The following CSMD1 variants were observed in gnomAD, a reference collection of about 807,000 sequenced individuals.
CSMD1 encodes the protein CUB and Sushi multiple domains 1.
A neutral mutation model predicts 417.5 loss-of-function variants in CSMD1; 213 were observed. That is an observed-to-expected ratio of 0.51 (90% CI 0.46 to 0.57). CSMD1 has a LOEUF of 0.57. Ranked by LOEUF, CSMD1 falls within the 20% of genes least tolerant of loss-of-function variation. CSMD1 has a pLI of 0.00. For missense variants in CSMD1, 6,923 were observed against 4,529.7 expected (o/e 1.53, Z -15.17); for synonymous variants, 2,862 against 1,736.8 (o/e 1.65, Z -16.11).
intron 12 of CSMD1, among the ~76,000 whole-genome samples, chr8:3,436,974 A>G (rs1327807543): frequency 1.3e-5 from 2 of 152,198 alleles, no homozygotes; most frequent in African/African-American, 4.8e-5. Flanking sequence ...AAAGCATGCA[A>G]GAAGCAGACA....
chr8:3,680,062 A>C (rs1367782178), intron 7 of CSMD1, among the ~76,000 whole-genome samples: 2 of 152,292 alleles, frequency 1.3e-5, no homozygotes, highest in Middle Eastern at 6.8e-3. Context: ...TTATAACACT[A>C]AATGCCCACA....
intron 12 of CSMD1, among the ~76,000 whole-genome samples, chr8:3,420,958 G>C (rs1364614852): frequency 6.6e-6 from 1 of 151,980 alleles, no homozygotes; most frequent in African/African-American, 2.4e-5. Context: ...ATATTAAAGA[G>C]ACTAATACTG....
chr8:3,538,692 C>G (rs769860669), intron 10 of CSMD1, among the ~76,000 whole-genome samples: 1 of 152,232 alleles, frequency 6.6e-6, no homozygotes, highest in African/African-American at 2.4e-5. Flanking sequence ...CGTGGCATGG[C>G]CTGCCATCTT....
At chr8:3,684,383 GTATAACA>G (rs1182396779) in intron 7 of CSMD1, among the ~76,000 whole-genome samples, 1 of 146,554 alleles carries the variant, frequency 6.8e-6, no homozygotes, top group Non-Finnish European at 1.5e-5. Context: ...TATATAAAAT[GTATAACA>G]TATAAGTACA....
intron 3 of CSMD1, among the ~76,000 whole-genome samples, chr8:4,037,463 CTTTT>C (rs1432954472): frequency 2.0e-5 from 3 of 152,180 alleles, no homozygotes; most frequent in Non-Finnish European, 4.4e-5. Context: ...CAATGGTTTG[CTTTT>C]TTGTCTTCTC....
intron 1 of CSMD1, among the ~76,000 whole-genome samples, chr8:4,917,502 C>A (rs1005567407): frequency 6.6e-6 from 1 of 152,154 alleles, no homozygotes; most frequent in African/African-American, 2.4e-5. Context: ...GGCATGGTGG[C>A]GGGTGCCTGT....
At chr8:3,488,127 G>C (rs1818164634) in intron 11 of CSMD1, among the ~76,000 whole-genome samples, 1 of 130,918 alleles carries the variant, frequency 7.6e-6, no homozygotes. Context: ...TTTTGAAATA[G>C]TGTCTTGCTC....
intron 2 of CSMD1, among the ~76,000 whole-genome samples, chr8:4,529,975 C>G (rs1189776003): frequency 6.6e-6 from 1 of 151,670 alleles, no homozygotes; most frequent in African/African-American, 2.4e-5. Flanking sequence ...AGTGCAGTGG[C>G]GAGATCCCGG....
chr8:4,514,234 G>A (rs1802992206), intron 2 of CSMD1, among the ~76,000 whole-genome samples: 3 of 152,186 alleles, frequency 2.0e-5, no homozygotes, highest in Admixed American at 2.0e-4. Flanking sequence ...GTTTCCTCTG[G>A]TGTCTGTGCT....
intron 7 of CSMD1, among the ~76,000 whole-genome samples, chr8:3,636,151 AG>A (rs538014449): frequency 6.6e-6 from 1 of 152,206 alleles, no homozygotes; most frequent in Non-Finnish European, 1.5e-5. Context: ...CCTACAACAC[AG>A]GGTCAGAATA....
intron 3 of CSMD1, among the ~76,000 whole-genome samples, chr8:4,354,380 C>G (rs951397821): frequency 6.6e-6 from 1 of 152,122 alleles, no homozygotes. Flanking sequence ...CTGGTCATTT[C>G]GTAACTATTA....
At chr8:3,667,455 G>C (rs542031196) in intron 7 of CSMD1, among the ~76,000 whole-genome samples, 5 of 152,024 alleles carry the variant, frequency 3.3e-5, no homozygotes, top group African/African-American at 1.2e-4. Flanking sequence ...GCAAGGCCTT[G>C]GGGCACTACA....
At chr8:4,504,709 A>C (rs1032549372) in intron 2 of CSMD1, among the ~76,000 whole-genome samples, 2 of 151,824 alleles carry the variant, frequency 1.3e-5, no homozygotes, top group East Asian at 3.9e-4. Flanking sequence ...TTCAACTCCC[A>C]CTTATGAGTC....
chr8:4,109,615 A>C (rs932372738), intron 3 of CSMD1, among the ~76,000 whole-genome samples: 3 of 152,202 alleles, frequency 2.0e-5, no homozygotes, highest in African/African-American at 7.2e-5. Context: ...TATTGTTGGA[A>C]TCAAAAGCTC....
chr8:4,089,176 G>C (rs17068889), intron 3 of CSMD1, among the ~76,000 whole-genome samples: 12,179 of 152,158 alleles, frequency 0.08, 711 homozygotes, highest in East Asian at 0.28. Context: ...ACTCTTTATG[G>C]TGACAATCTG....
intron 3 of CSMD1, among the ~76,000 whole-genome samples, chr8:4,068,548 T>C (rs1265410060): frequency 6.6e-6 from 1 of 152,202 alleles, no homozygotes; most frequent in Non-Finnish European, 1.5e-5. Context: ...ATAAAATGTA[T>C]CCTCTGGAGG....
At chr8:3,048,514 GA>G (rs1811606194) in intron 50 of CSMD1, among the ~76,000 whole-genome samples, 1 of 152,092 alleles carries the variant, frequency 6.6e-6, no homozygotes, top group African/African-American at 2.4e-5. Context: ...AATGGTGCTG[GA>G]AAAACTGGAT....
chr8:4,172,744 C>A lies in CSMD1; in HGVS notation c.416-140645G>T, dbSNP rs180975413. On this transcript the variant is annotated intron_variant, in intron 3 of 69. Transcript: ENST00000635120. ...CACTTGACATTAGGTTGTAAAAAGA[C>A]TGTGGCTTCCACCTCTTTCTTGGAT... Among the ~76,000 whole-genome samples the A allele has an allele frequency of 1.3e-3, 205 of 152,246 alleles. 2 individuals are homozygous for A. Among genetic ancestry groups the A allele is most frequent in the African/African-American group, 4.3e-3 (179 of 41,524 alleles).
At chr8:3,176,672 A>G (rs1299720244) in intron 37 of CSMD1, among the ~76,000 whole-genome samples, 3 of 152,254 alleles carry the variant, frequency 2.0e-5, no homozygotes, top group African/African-American at 7.2e-5. Context: ...TTAACAACGT[A>G]AAAATACTGA....
Sources: gnomAD v4.1 joint callset for allele counts (sites outside exome capture counted in the v4.1 genomes callset) on GRCh38, gnomAD v4.1.1 for gene constraint, MANE v1.5 for transcripts, NCBI Gene and HGNC (gene_info 2026-07-23, HGNC 2026-07-21) for gene names.